The following HDAC6 variants were observed in gnomAD, a reference collection of about 807,000 sequenced individuals.
The protein encoded by HDAC6 is protein deacetylase HDAC6.
HDAC6 carries 5 observed loss-of-function variants against 88.9 expected under a neutral mutation model. The ratio of observed to expected loss-of-function variants is 0.06; its 90% CI spans 0.03 to 0.12. The LOEUF (loss-of-function observed/expected upper bound fraction) is 0.12, where lower values mean the gene tolerates loss of function less well. Among genes scored for constraint, HDAC6 ranks in the 10% least tolerant of loss-of-function variants. HDAC6 has a pLI of 1.00. For synonymous variants in HDAC6, 378 were observed against 398.0 expected, an observed-to-expected ratio of 0.95 and a Z score of 0.60; for missense variants, 706 against 1,014.4, an observed-to-expected ratio of 0.70 and a Z score of 4.13.
In HDAC6 at chrX:48,806,439, C is replaced by A. The variant is rs1282852708; in HGVS notation, c.509C>A (p.Thr170Asn). ...GGAGAACTCCGTGTCCTAGCAGACA[C>A]CTACGACTCAGTTTATCTGCATCCG... ...NEGELRVLAD[T>N]YDSVYLHPNS... The change falls in exon 7 of 29, where the codon ACC becomes AAC. Residue 170 changes from threonine (T) to asparagine (N), a missense_variant. Around this residue, in one of 9 missense-constraint regions of HDAC6, gnomAD observed 193 missense variants for 258.2 expected, o/e 0.75. Transcript: ENST00000334136. The A allele has an allele frequency of 5.0e-6, 6 of 1,191,942 alleles. No homozygotes were observed. Among genetic ancestry groups the A allele is most frequent in the Non-Finnish European group, 6.8e-6 (6 of 877,121 alleles).
In HDAC6 at chrX:48,808,089, A is replaced by G; in HGVS notation, c.689A>G (p.His230Arg). Residue 230 changes from histidine (H) to arginine (R), a missense_variant, in exon 9 of 29, where the codon CAC (histidine) becomes CGC (arginine). By Grantham distance (29) the His-to-Arg change is conservative (BLOSUM62 0). Transcript: ENST00000334136. ...ATGGATGGCTATTGCATGTTCAACCACGTGGCTGTGGCAGCCCGCTATGCT... is the reference window on the plus strand; with the variant it reads ...ATGGATGGCTATTGCATGTTCAACCGCGTGGCTGTGGCAGCCCGCTATGCT... The part of the protein sequence containing the change: ...SLMDGYCMFN[H>R]VAVAARYAQQ... 8.3e-7 allele frequency: 1 copy of G among 1,208,070 alleles called. No homozygotes were observed. The highest frequency in any genetic ancestry group is 1.1e-6 in the Non-Finnish European group (1 of 893,610).
intron 10 of HDAC6, chrX:48,813,957 C>T (rs1263155269): frequency 8.6e-6 from 1 of 116,315 alleles, no homozygotes; most frequent in African/African-American, 3.3e-5. Flanking sequence ...AGCTAAGAGC[C>T]CCATGCTCCA....
intron 18 of HDAC6, 48 bp from the exon 19 acceptor site, chrX:48,816,417 G>A: frequency 8.7e-7 from 1 of 1,146,810 alleles, no homozygotes; most frequent in Non-Finnish European, 1.2e-6. Flanking sequence ...CCAGGGAGGG[G>A]ACAGACCCTC....
At chrX:48,817,161 A>G in intron 19 of HDAC6, 165 bp from the exon 20 acceptor site, 1 of 500,811 alleles carries the variant, frequency 2.0e-6, no homozygotes, top group Non-Finnish European at 3.0e-6. Flanking sequence ...CTGAGGCAGG[A>G]GAATGGCGGG....
upstream of HDAC6, chrX:48,801,944 G>A (rs1162889836): frequency 1.1e-5 from 11 of 969,503 alleles, no homozygotes; most frequent in Non-Finnish European, 1.5e-5. Flanking sequence ...TGAGTGGAGC[G>A]GTGAGTACAG....
intron 20 of HDAC6, 41 bp from the exon 21 acceptor site, chrX:48,818,000 C>T (rs374453711): frequency 2.0e-5 from 22 of 1,128,085 alleles, no homozygotes; most frequent in African/African-American, 1.4e-4. Flanking sequence ...TCTTCCAGGG[C>T]GTGAGTATCG....
upstream of HDAC6, chrX:48,801,810 G>A: frequency 3.1e-6 from 3 of 956,864 alleles, no homozygotes; most frequent in South Asian, 6.0e-5. Context: ...GGCGGGATCT[G>A]GGCGGGCAGT....
In HDAC6 at chrX:48,823,152, C is replaced by T; in HGVS notation, c.2753C>T (p.Ala918Val). The change falls in exon 25 of 29, where the codon GCC (alanine) becomes GTC (valine). Residue 918 changes from alanine to valine, a missense_variant. Around this residue, in one of 9 missense-constraint regions of HDAC6, gnomAD observed 89 missense variants for 90.9 expected, o/e 0.98. Transcript: ENST00000334136. ...CCCTCAGAGGCAGCCACAGGGGGAG[C>T]CACTCTGGCCCAGACCATTTCTGAG... ...DQPSEAATGG[A>V]TLAQTISEAA... The T allele has an allele frequency of 8.3e-7, 1 of 1,207,192 alleles. No homozygotes were observed. Among genetic ancestry groups the T allele is most frequent in the Non-Finnish European group, 1.1e-6 (1 of 893,204 alleles).
rs373004163 is a variant in HDAC6, at chrX:48,817,299, C to T, written c.1792-27C>T. 13 of 1,155,672 alleles carry T rather than the reference C, an allele frequency of 1.1e-5. No homozygotes were observed. In the African/African-American group the frequency reaches 2.0e-4, roughly 18 times the overall value. On this transcript the variant is annotated intron_variant, in intron 19 of 28. Coordinates refer to ENST00000334136, the MANE Select transcript of HDAC6 (RefSeq NM_006044.4). ...GAAAGGAAGGTGAGGGCAGGCTGTCCGATCTTAGCACCCTGCTGCTTCCCA... is the reference window on the plus strand; with the variant it reads ...GAAAGGAAGGTGAGGGCAGGCTGTCTGATCTTAGCACCCTGCTGCTTCCCA...
chrX:48,814,045 G>A (rs982150648), intron 10 of HDAC6: 19 of 154,580 alleles, frequency 1.2e-4, no homozygotes, highest in Middle Eastern at 2.6e-3. Context: ...GGGCGGACAT[G>A]ATCTAGAGTA....
chrX:48,822,625 C>G lies in HDAC6; in HGVS notation c.2343C>G (p.Gly781=), dbSNP rs1248575735. 1 of 1,178,554 alleles carries G rather than the reference C, an allele frequency of 8.5e-7. No homozygotes were observed. The highest frequency in any genetic ancestry group is 1.8e-5 in the African/African-American group (1 of 55,840). ...SGRIILILEG[G]YNLTSISESM... ...TCCCCTTTTCCTTAACAAAGGGTGG[C>G]TATAACCTGACATCCATCTCAGAGT... Residue 781 remains glycine, a synonymous_variant, in exon 24 of 29, where the codon GGC becomes GGG. Transcript: ENST00000334136.
chrX:48,821,122 G>A (rs1229495096), intron 23 of HDAC6, among the ~76,000 whole-genome samples: 1 of 111,122 alleles, frequency 9.0e-6, no homozygotes, highest in Non-Finnish European at 1.9e-5. Flanking sequence ...ACAGGCATGA[G>A]CCACCGCACC....
In HDAC6 at chrX:48,815,023, C is replaced by G. The variant is rs145223784; in HGVS notation, c.1121C>G (p.Ala374Gly). 13 of 1,200,861 alleles carry G rather than the reference C, an allele frequency of 1.1e-5. No homozygotes were observed. The South Asian group carries it at 2.3e-4, about 22-fold the overall frequency. The part of the protein sequence containing the change: ...AQLTHLLMGL[A>G]GGKLILSLEG... ...CTAACCCACCTGCTCATGGGTCTGG[C>G]AGGAGGCAAGCTGATCCTGTCTCTG... Residue 374 changes from alanine to glycine, a missense_variant, in exon 14 of 29, where the codon GCA (alanine) becomes GGA (glycine). By Grantham distance (60) the Ala-to-Gly change is moderately conservative. This residue lies in a region of HDAC6 where 106 missense variants were observed against 135.1 expected (regional missense o/e 0.78). Coordinates refer to ENST00000334136, the MANE Select transcript of HDAC6 (RefSeq NM_006044.4).
intron 9 of HDAC6, 43 bp from the exon 10 acceptor site, chrX:48,808,215 C>T (rs1273911285): frequency 1.7e-6 from 2 of 1,170,112 alleles, no homozygotes; most frequent in Non-Finnish European, 2.3e-6. Context: ...CCAGATTCAC[C>T]TTGATCTCCT....
At chrX:48,819,787 G>A (rs909105749) in intron 22 of HDAC6, 7 of 333,145 alleles carry the variant, frequency 2.1e-5, no homozygotes, top group Admixed American at 4.0e-5. Flanking sequence ...TGATCTGCCC[G>A]CCTCGGCCTC....
rs1307865169 is a variant in HDAC6, at chrX:48,820,337, A to G, written c.2337+82A>G. On this transcript the variant is annotated intron_variant, in intron 23 of 28. Transcript: ENST00000334136. ...ACCATCACTCAGGACAGTTTCCTGA[A>G]ATCTCCTTTGAGTGTCCCTGCCTGG... 9 of 887,806 alleles carry G rather than the reference A, an allele frequency of 1.0e-5. No homozygotes were observed. In the Admixed American group the frequency reaches 2.1e-4, roughly 21 times the overall value. 73.2% of individuals were successfully genotyped at this position (887,806 alleles called of 1,213,427 possible).
intron 6 of HDAC6, chrX:48,806,076 A>G (rs782122874): frequency 1.1e-4 from 39 of 355,481 alleles, no homozygotes; most frequent in Non-Finnish European, 1.6e-4. Context: ...TAAGAGGAGA[A>G]AAAGAGTGAG....
Position 48,807,703 on chromosome X carries a change from G to T in HDAC6, c.633-330G>T, listed in dbSNP as rs188229605. On this transcript the variant is annotated intron_variant, in intron 8 of 28. Coordinates refer to ENST00000334136, the MANE Select transcript of HDAC6 (RefSeq NM_006044.4). The stretch of plus-strand genomic sequence containing the variant: ...AATTTTTTGTATTTTTAGTAGAGAC[G>T]GGGTTTCACCGTGTTGGCCAGGATG... 6.2e-4 allele frequency among the ~76,000 whole-genome samples: 69 copies of T among 111,462 alleles called. No individual in the cohort carries two copies. In the Middle Eastern group the frequency reaches 0.018, roughly 30 times the overall value.
intron 10 of HDAC6, chrX:48,814,176 G>T: frequency 2.8e-6 from 1 of 351,715 alleles, no homozygotes; most frequent in East Asian, 5.3e-5. Context: ...GAGACTAAAT[G>T]AATGAGCGAG....
Sources: gnomAD v4.1 joint callset for allele counts (sites outside exome capture counted in the v4.1 genomes callset) on GRCh38, gnomAD v4.1.1 for gene constraint, gnomAD v4.1.1 regional missense constraint, MANE v1.5 for transcripts, NCBI Gene and HGNC (gene_info 2026-07-23, HGNC 2026-07-21) for gene names.